Variants in RAD51B observed in about 807,000 individuals in gnomAD.
RAD51B encodes DNA repair protein RAD51 homolog 2.
RAD51B carries 38 observed loss-of-function variants against 42.2 expected under a neutral mutation model. The observed-to-expected ratio is 0.90, with a 90% CI of 0.70 to 1.18. RAD51B has a LOEUF of 1.18. Among genes scored for constraint, RAD51B ranks in the 50% most tolerant of loss-of-function variants. RAD51B has a pLI of 0.00. For synonymous variants in RAD51B, 154 were observed against 145.2 expected (o/e 1.06, Z -0.43); for missense variants, 373 against 400.7 (o/e 0.93, Z 0.59).
chr14:68,512,726 C>G (rs566703711), intron 10 of RAD51B, among the ~76,000 whole-genome samples: 46 of 152,234 alleles, frequency 3.0e-4, no homozygotes, highest in African/African-American at 1.1e-3. Context: ...CCTTCTTACC[C>G]TGTTTGCATC....
chr14:68,653,507 G>A (rs1234120924), intron 11 of RAD51B, among the ~76,000 whole-genome samples: 4 of 152,142 alleles, frequency 2.6e-5, no homozygotes, highest in African/African-American at 9.7e-5. Flanking sequence ...CTCACATCTG[G>A]GGCCACATAA....
chr14:68,302,238 C>T (rs1252052041), intron 8 of RAD51B, among the ~76,000 whole-genome samples: 1 of 152,138 alleles, frequency 6.6e-6, no homozygotes, highest in Non-Finnish European at 1.5e-5. Flanking sequence ...ACAGTCCCTG[C>T]TCTATGGGAA....
chr14:68,030,178 A>C (rs150647343), intron 7 of RAD51B, among the ~76,000 whole-genome samples: 3 of 152,164 alleles, frequency 2.0e-5, no homozygotes, highest in Non-Finnish European at 2.9e-5. Context: ...ATTGGTTTCA[A>C]CTTAAAGTCA....
At chr14:67,937,205 C>A (rs2140171203) in intron 7 of RAD51B, among the ~76,000 whole-genome samples, 1 of 152,180 alleles carries the variant, frequency 6.6e-6, no homozygotes, top group Middle Eastern at 3.4e-3. Flanking sequence ...ATATGTAATA[C>A]AATTATGGGA....
chr14:67,995,727 C>T (rs2075371684), intron 7 of RAD51B, among the ~76,000 whole-genome samples: 1 of 151,694 alleles, frequency 6.6e-6, no homozygotes, highest in African/African-American at 2.4e-5. Context: ...ATGCCATTCT[C>T]CTGCCTCAGC....
chr14:67,853,649 G>A (rs2041894558), intron 4 of RAD51B, among the ~76,000 whole-genome samples: 1 of 152,222 alleles, frequency 6.6e-6, no homozygotes, highest in African/African-American at 2.4e-5. Flanking sequence ...ATGTCAGATA[G>A]ATCTGGTGGG....
chr14:67,905,455 GT>G (rs1250690988), intron 7 of RAD51B, among the ~76,000 whole-genome samples: 1 of 152,106 alleles, frequency 6.6e-6, no homozygotes, highest in Non-Finnish European at 1.5e-5. Context: ...TGTGAAAAAT[GT>G]TGGTAGTTTG....
chr14:68,552,048 T>TG (rs1201200249), intron 10 of RAD51B, among the ~76,000 whole-genome samples: 3 of 152,114 alleles, frequency 2.0e-5, no homozygotes, highest in African/African-American at 7.3e-5. Context: ...GCCCATTCTG[T>TG]GCGTGTTTGT....
chr14:67,927,853 T>A lies in RAD51B; in HGVS notation c.756+40649T>A, dbSNP rs77854932. ...TTGTCTATTTCTGGGAAAAAATGAA[T>A]CCCACTTGATCATGGTATGTTATCT... On this transcript the variant is annotated intron_variant, in intron 7 of 10. Coordinates refer to ENST00000471583, the MANE Select transcript of RAD51B (RefSeq NM_133510.4). Among the ~76,000 whole-genome samples, 29 of 151,936 alleles carry A rather than the reference T, an allele frequency of 1.9e-4. No individual in the cohort carries two copies. In the East Asian group the frequency reaches 5.2e-3, roughly 27 times the overall value.
intron 10 of RAD51B, among the ~76,000 whole-genome samples, chr14:68,605,573 C>A (rs1891413265): frequency 6.6e-6 from 1 of 152,236 alleles, no homozygotes; most frequent in Non-Finnish European, 1.5e-5. Flanking sequence ...CAGGCCTCCT[C>A]TAGCCCCTGG....
intron 7 of RAD51B, among the ~76,000 whole-genome samples, chr14:68,002,494 C>T (rs2075504230): frequency 6.6e-6 from 1 of 152,048 alleles, no homozygotes; most frequent in Non-Finnish European, 1.5e-5. Context: ...CTATAATCAG[C>T]TTGATGATAG....
At chr14:68,097,114 CTT>C (rs1350159669) in intron 7 of RAD51B, among the ~76,000 whole-genome samples, 1 of 152,040 alleles carries the variant, frequency 6.6e-6, no homozygotes, top group Non-Finnish European at 1.5e-5. Flanking sequence ...GGATTTCTCT[CTT>C]GATGAATGCA....
At chr14:68,390,196 C>T (rs2140011915) in intron 8 of RAD51B, among the ~76,000 whole-genome samples, 1 of 152,266 alleles carries the variant, frequency 6.6e-6, no homozygotes, top group Non-Finnish European at 1.5e-5. Flanking sequence ...TGTGGAAATC[C>T]ATTGTTGTGG....
At chr14:68,653,003 GT>G (rs1566964637) in intron 11 of RAD51B, among the ~76,000 whole-genome samples, 2 of 152,218 alleles carry the variant, frequency 1.3e-5, no homozygotes, top group African/African-American at 4.8e-5. Context: ...TAATAGGCTG[GT>G]CCTTTTCTTC....
At chr14:68,365,038 G>A (rs2139927831) in intron 8 of RAD51B, among the ~76,000 whole-genome samples, 1 of 152,216 alleles carries the variant, frequency 6.6e-6, no homozygotes, top group South Asian at 2.1e-4. Flanking sequence ...TAGCGTGGCA[G>A]GAATGTAGTG....
At chr14:68,088,175 G>T (rs1354978455) in intron 7 of RAD51B, among the ~76,000 whole-genome samples, 1 of 150,834 alleles carries the variant, frequency 6.6e-6, no homozygotes, top group Non-Finnish European at 1.5e-5. Flanking sequence ...TATTATTGGT[G>T]ATGTCTTTGG....
intron 10 of RAD51B, among the ~76,000 whole-genome samples, chr14:68,633,967 G>C (rs1461578096): frequency 2.6e-5 from 4 of 152,218 alleles, no homozygotes; most frequent in Non-Finnish European, 2.9e-5. Flanking sequence ...TGCACAGAGA[G>C]AGTTTGGCAA....
At chr14:68,046,625 A>G (rs1422816023) in intron 7 of RAD51B, among the ~76,000 whole-genome samples, 5 of 152,048 alleles carry the variant, frequency 3.3e-5, no homozygotes, top group Non-Finnish European at 7.4e-5. Context: ...AGTCCCAACT[A>G]CTCTGGAGGC....
chr14:68,017,070 A>C (rs1460196135), intron 7 of RAD51B, among the ~76,000 whole-genome samples: 2 of 152,156 alleles, frequency 1.3e-5, no homozygotes, highest in African/African-American at 4.8e-5. Flanking sequence ...TCATTTTCCA[A>C]ATTTCTAATA....
Sources: allele counts gnomAD v4.1 joint callset (sites outside exome capture counted in the v4.1 genomes callset), GRCh38; gene constraint gnomAD v4.1.1; transcripts MANE v1.5; gene names NCBI Gene and HGNC (gene_info 2026-07-23, HGNC 2026-07-21).